Variants in AATF observed in about 807,000 individuals in gnomAD.
The protein encoded by AATF is apoptosis antagonizing transcription factor.
AATF carries 48 observed loss-of-function variants against 63.7 expected under a neutral mutation model. That is an observed-to-expected ratio of 0.75 (90% CI 0.60 to 0.96). AATF has a LOEUF of 0.96. Among genes scored for constraint, AATF ranks in the 40% least tolerant of loss-of-function variants. The probability of loss-of-function intolerance (pLI) is 0.00; values close to 1 mark genes in which losing one functional copy is unlikely to be tolerated. For missense variants in AATF, 639 were observed against 685.7 expected (o/e 0.93, Z 0.76); for synonymous variants, 258 against 247.7 (o/e 1.04, Z -0.39).
At chr17:36,970,541 CTTT>C (rs773737841) in intron 4 of AATF, among the ~76,000 whole-genome samples, 6 of 87,012 alleles carry the variant, frequency 6.9e-5, no homozygotes, top group Non-Finnish European at 1.2e-4. Flanking sequence ...TTTCTTTTTT[CTTT>C]TTTTTTTTTT....
chr17:36,952,934 G>T lies in AATF; in HGVS notation c.332G>T (p.Gly111Val). The change falls in exon 3 of 12, where the codon GGA becomes GTA. Residue 111 changes from glycine to valine, a missense_variant. By Grantham distance (109) the Gly-to-Val change is moderately radical. Coordinates refer to ENST00000619387, the MANE Select transcript of AATF (RefSeq NM_012138.4). ...EEGSGDEDSE[G>V]LGLEEYDEDD... Reference sequence around the variant, plus strand: ...GGGTCTGGAGATGAAGATTCAGAGGGACTGGGTCTGGAGGAATATGATGAG... The same window carrying T: ...GGGTCTGGAGATGAAGATTCAGAGGTACTGGGTCTGGAGGAATATGATGAG... 6.2e-7 allele frequency: 1 copy of T among 1,614,164 alleles called. No individual in the cohort carries two copies. The highest frequency in any genetic ancestry group is 8.5e-7 in the Non-Finnish European group (1 of 1,180,028).
Position 37,056,815 on chromosome 17 carries a change from G to A in AATF, c.*151G>A, listed in dbSNP as rs570249474. The A allele has an allele frequency of 7.3e-4, 564 of 771,796 alleles. No individual in the cohort carries two copies. Among genetic ancestry groups the A allele is most frequent in the Non-Finnish European group, 9.7e-4 (473 of 488,188 alleles). 47.8% of individuals were successfully genotyped at this position (771,796 alleles called of 1,614,324 possible). The stretch of plus-strand genomic sequence containing the variant: ...ACCTGTGCCTAATACACGCAAGGGC[G>A]CTGTCCCGCCCAACCCCGCCTTTAA... On this transcript the variant is annotated 3_prime_UTR_variant, in exon 12 of 12. Coordinates refer to ENST00000619387, the MANE Select transcript of AATF (RefSeq NM_012138.4).
intron 1 of AATF, 137 bp downstream of exon 1, chr17:36,949,353 G>C: frequency 1.2e-6 from 1 of 804,072 alleles, no homozygotes; most frequent in Non-Finnish European, 1.9e-6. Context: ...GTCGCCTCCC[G>C]CGAGGGTGGT....
At chr17:36,973,655 G>A (rs931138696) in intron 4 of AATF, among the ~76,000 whole-genome samples, 4 of 152,168 alleles carry the variant, frequency 2.6e-5, no homozygotes, top group Non-Finnish European at 5.9e-5. Context: ...CTTTCAGGGG[G>A]TCAGCTGATC....
intron 8 of AATF, among the ~76,000 whole-genome samples, chr17:37,002,644 C>T (rs1012769333): frequency 1.3e-5 from 2 of 151,180 alleles, no homozygotes; most frequent in African/African-American, 2.4e-5. Flanking sequence ...TGCAGTCCAG[C>T]CTGGGTGAAA....
intron 4 of AATF, among the ~76,000 whole-genome samples, chr17:36,957,070 A>G (rs1451385298): frequency 6.6e-6 from 1 of 152,172 alleles, no homozygotes; most frequent in Non-Finnish European, 1.5e-5. Flanking sequence ...TGTGGAACAT[A>G]GGCTGAATTT....
At chr17:37,044,014 C>T (rs2071667313) in intron 11 of AATF, among the ~76,000 whole-genome samples, 1 of 152,168 alleles carries the variant, frequency 6.6e-6, no homozygotes, top group Non-Finnish European at 1.5e-5. Flanking sequence ...ATAGCCATTT[C>T]TGTGCAAACC....
At chr17:37,048,363 C>CTTTT (rs60374815) in intron 11 of AATF, among the ~76,000 whole-genome samples, 24 of 70,832 alleles carry the variant, frequency 3.4e-4, no homozygotes, top group Non-Finnish European at 4.9e-4. Context: ...TTTTTCTTTT[C>CTTTT]TTTTTTTTTT....
chr17:36,959,279 A>T (rs894112842), intron 4 of AATF, among the ~76,000 whole-genome samples: 1 of 152,242 alleles, frequency 6.6e-6, no homozygotes, highest in Non-Finnish European at 1.5e-5. Flanking sequence ...CACCGTCTCT[A>T]CAAAAGTACA....
At chr17:37,046,787 T>C (rs2142320627) in intron 11 of AATF, among the ~76,000 whole-genome samples, 1 of 148,638 alleles carries the variant, frequency 6.7e-6, no homozygotes, top group South Asian at 2.1e-4. Flanking sequence ...ACACACGCCC[T>C]GGGTTGTTGG....
chr17:36,986,099 C>A (rs1257504630), intron 4 of AATF, among the ~76,000 whole-genome samples: 1 of 152,110 alleles, frequency 6.6e-6, no homozygotes, highest in Non-Finnish European at 1.5e-5. Flanking sequence ...GCAGCTCAAA[C>A]CAGAGGCACA....
intron 8 of AATF, among the ~76,000 whole-genome samples, chr17:36,997,154 G>C (rs2071260618): frequency 6.6e-6 from 1 of 152,148 alleles, no homozygotes; most frequent in Admixed American, 6.5e-5. Context: ...TATAGAGTTT[G>C]GCACTCCTCA....
intron 11 of AATF, among the ~76,000 whole-genome samples, chr17:37,044,403 TCCCCA>T (rs991109240): frequency 2.0e-5 from 3 of 152,132 alleles, no homozygotes; most frequent in Non-Finnish European, 2.9e-5. Context: ...GACTTCTGAT[TCCCCA>T]CCCTTTGCTT....
chr17:37,046,730 A>ACACACACAC (rs71368439), intron 11 of AATF, among the ~76,000 whole-genome samples: 1 of 139,970 alleles, frequency 7.1e-6, no homozygotes, highest in Non-Finnish European at 1.5e-5. Flanking sequence ...GTGCTCCCCC[A>ACACACACAC]ACACACACAC....
At chr17:37,056,466 TG>T in intron 11 of AATF, 134 bp from the exon 12 acceptor site, 1 of 786,032 alleles carries the variant, frequency 1.3e-6, no homozygotes, top group Non-Finnish European at 2.1e-6. Flanking sequence ...GTAAGAGCTG[TG>T]GGGTGCATTT....
At chr17:36,972,848 T>A (rs969767366) in intron 4 of AATF, among the ~76,000 whole-genome samples, 4 of 152,214 alleles carry the variant, frequency 2.6e-5, no homozygotes, top group Admixed American at 6.5e-5. Context: ...CTTGTCTGGT[T>A]TCCAGAGCTT....
chr17:37,015,758 G>A (rs545965185), intron 8 of AATF, among the ~76,000 whole-genome samples: 1 of 152,290 alleles, frequency 6.6e-6, no homozygotes, highest in Admixed American at 6.5e-5. Context: ...TCCTGCCTAG[G>A]AAATTATAGA....
chr17:37,042,730 T>C (rs2142314315), intron 11 of AATF, among the ~76,000 whole-genome samples: 1 of 150,196 alleles, frequency 6.7e-6, no homozygotes, highest in Admixed American at 6.6e-5. Context: ...CTTTTAATTT[T>C]TTCTTTCTTT....
intron 3 of AATF, 89 bp from the exon 4 acceptor site, chr17:36,953,681 G>A (rs1277817279): frequency 4.8e-6 from 6 of 1,243,886 alleles, no homozygotes; most frequent in South Asian, 1.4e-5. Context: ...TTAGAGACTG[G>A]TGTGGTTTCC....
Sources: allele counts gnomAD v4.1 joint callset (sites outside exome capture counted in the v4.1 genomes callset), GRCh38; gene constraint gnomAD v4.1.1; transcripts MANE v1.5; gene names NCBI Gene and HGNC (gene_info 2026-07-23, HGNC 2026-07-21).